USP34: variants seen among roughly 807,000 people sequenced by gnomAD.
USP34 encodes the protein ubiquitin carboxyl-terminal hydrolase 34.
Under a neutral mutation model 460.3 loss-of-function variants are expected in USP34, and 70 were observed. That is an observed-to-expected ratio of 0.15 (90% CI 0.13 to 0.19). The LOEUF is 0.19. Among genes scored for constraint, USP34 ranks in the 10% least tolerant of loss-of-function variants. USP34 has a pLI of 1.00. For synonymous variants in USP34, 1,647 were observed against 1,405.3 expected (o/e 1.17, Z -3.85); for missense variants, 3,985 against 4,236.2 (o/e 0.94, Z 1.65).
rs185087632 is a variant in USP34, at chr2:61,366,094, T to G, written c.1251+4227A>C. ...GCATGCGCCGCCATGCCTGGCTAAT[T>G]TTTGTACTTTTAGTAGAGACAGGGT... On this transcript the variant is annotated intron_variant, in intron 10 of 79. Transcript: ENST00000398571. 3.3e-3 allele frequency among the ~76,000 whole-genome samples: 500 copies of G among 152,326 alleles called. 2 individuals carry two copies. The highest frequency in any genetic ancestry group is 0.011 in the African/African-American group (475 of 41,576).
At position 61,262,416 on chromosome 2, in the gene USP34, A is replaced by G. The variant is rs1426446586; in HGVS notation, c.5779-2640T>C. On this transcript the variant is annotated intron_variant, in intron 43 of 79. Coordinates refer to ENST00000398571, the MANE Select transcript of USP34 (RefSeq NM_014709.4). ...TGTACTCAATATTTAGCTCCCACTT[A>G]TAAGTGAGAACATATGGTATTTGGT... Among the ~76,000 whole-genome samples the G allele has an allele frequency of 3.3e-5, 5 of 152,136 alleles. No individual in the cohort carries two copies. In the East Asian group the frequency reaches 5.8e-4, roughly 18 times the overall value.
intron 32 of USP34, among the ~76,000 whole-genome samples, chr2:61,294,646 C>G (rs537806145): frequency 1.3e-5 from 2 of 152,222 alleles, no homozygotes; most frequent in African/African-American, 4.8e-5. Flanking sequence ...ATCTCAAACT[C>G]CTGACCTCAA....
At chr2:61,263,835 G>A (rs1688969926) in intron 43 of USP34, among the ~76,000 whole-genome samples, 1 of 152,114 alleles carries the variant, frequency 6.6e-6, no homozygotes, top group Non-Finnish European at 1.5e-5. Flanking sequence ...TACTGGCCAA[G>A]CTGCTTTGTC....
chr2:61,207,732 A>C (rs1269832574), intron 70 of USP34: 1 of 152,306 alleles, frequency 6.6e-6, no homozygotes, highest in Non-Finnish European at 1.5e-5. Flanking sequence ...GTTGCATTTT[A>C]AAGAATGAAA....
chr2:61,255,963 G>GTA, intron 48 of USP34, among the ~76,000 whole-genome samples: 1 of 152,180 alleles, frequency 6.6e-6, no homozygotes, highest in East Asian at 1.9e-4. Context: ...GCAAAAAGCA[G>GTA]TATATATAGG....
chr2:61,438,527 G>A (rs1694879466), intron 1 of USP34, among the ~76,000 whole-genome samples: 1 of 152,008 alleles, frequency 6.6e-6, no homozygotes, highest in Non-Finnish European at 1.5e-5. Flanking sequence ...TTGAACCTGG[G>A]AGGCAGAGGT....
At chr2:61,433,348 A>C (rs1186696) in intron 1 of USP34, among the ~76,000 whole-genome samples, 72,519 of 152,080 alleles carry the variant, frequency 0.48, 17,626 homozygotes, top group Middle Eastern at 0.57. Context: ...ACAAGTGGCG[A>C]ATCGGCCAGG....
rs1429409497 is a variant in USP34 at position 61,205,095 on chromosome 2, C to T, written c.9155-494G>A. The stretch of plus-strand genomic sequence containing the variant: ...CTGCTTTTGAATTCCTGGTCTCGAG[C>T]AATCCCCTCCTGCCTAGACCTCCCG... On this transcript the variant is annotated intron_variant, in intron 72 of 79. Coordinates refer to ENST00000398571, the MANE Select transcript of USP34 (RefSeq NM_014709.4). Among the ~76,000 whole-genome samples the T allele has an allele frequency of 7.9e-5, 12 of 152,216 alleles. 1 individual carries two copies. In the East Asian group the frequency reaches 1.2e-3, roughly 15 times the overall value.
At chr2:61,413,595 G>A (rs950829756) in intron 2 of USP34, among the ~76,000 whole-genome samples, 1 of 147,622 alleles carries the variant, frequency 6.8e-6, no homozygotes, top group Non-Finnish European at 1.5e-5. Context: ...GGAAGGCAGA[G>A]GCTGCAGTGA....
At chr2:61,338,956 T>C (rs1691508403) in intron 18 of USP34, among the ~76,000 whole-genome samples, 2 of 152,184 alleles carry the variant, frequency 1.3e-5, no homozygotes, top group African/African-American at 4.8e-5. Context: ...AATACTAATA[T>C]CAAAGTGTTT....
chr2:61,220,549 T>C, intron 66 of USP34, 92 bp from the exon 67 acceptor site: 1 of 1,197,498 alleles, frequency 8.4e-7, no homozygotes, highest in Non-Finnish European at 1.1e-6. Flanking sequence ...GACACAAAGC[T>C]AAAGTACTTT....
intron 27 of USP34, among the ~76,000 whole-genome samples, chr2:61,304,901 T>C (rs1572917212): frequency 6.6e-6 from 1 of 152,262 alleles, no homozygotes; most frequent in South Asian, 2.1e-4. Flanking sequence ...CTAAATAGAA[T>C]TTCTACCTTT....
chr2:61,368,867 A>G (rs1198049424), intron 10 of USP34, among the ~76,000 whole-genome samples: 1 of 152,192 alleles, frequency 6.6e-6, no homozygotes, highest in African/African-American at 2.4e-5. Context: ...ATGAAACTGA[A>G]CAGTAAAAAC....
intron 1 of USP34, among the ~76,000 whole-genome samples, chr2:61,436,958 G>A (rs1008142909): frequency 1.3e-5 from 2 of 152,154 alleles, no homozygotes; most frequent in Admixed American, 6.6e-5. Flanking sequence ...GTCAATGAAG[G>A]TATTAAGATG....
Position 61,221,491 on chromosome 2 carries a change from G to T in USP34, c.7899+11C>A. ...AAAATAAACATTGAAAACACCTGCT[G>T]CAAGACTTACCTCCCATATCCTCTG... On this transcript the variant is annotated intron_variant, in intron 66 of 79. Transcript: ENST00000398571. 1 of 1,606,828 alleles carries T rather than the reference G, an allele frequency of 6.2e-7. No individual in the cohort carries two copies. Among genetic ancestry groups the T allele is most frequent in the Non-Finnish European group, 8.5e-7 (1 of 1,176,614 alleles).
intron 1 of USP34, among the ~76,000 whole-genome samples, chr2:61,432,196 G>C (rs188857824): frequency 1.3e-5 from 2 of 151,088 alleles, no homozygotes; most frequent in Admixed American, 1.3e-4. Context: ...AAAAAAAATG[G>C]AATGTAGTGA....
intron 19 of USP34, among the ~76,000 whole-genome samples, chr2:61,333,314 T>A (rs1371164672): frequency 6.6e-6 from 1 of 152,088 alleles, no homozygotes; most frequent in Non-Finnish European, 1.5e-5. Context: ...TTTTTCAGAT[T>A]CCGTAATATT....
intron 38 of USP34, among the ~76,000 whole-genome samples, chr2:61,280,565 C>G (rs1388330042): frequency 1.3e-5 from 2 of 151,876 alleles, no homozygotes; most frequent in African/African-American, 2.4e-5. Context: ...ATATTAGTCT[C>G]AAATTACTGA....
chr2:61,341,555 AAG>A (rs1159552575), intron 16 of USP34, among the ~76,000 whole-genome samples: 1 of 151,886 alleles, frequency 6.6e-6, no homozygotes, highest in Non-Finnish European at 1.5e-5. Flanking sequence ...GGTTGTTTAG[AAG>A]AGAGTGACAC....
Sources: allele counts gnomAD v4.1 joint callset (sites outside exome capture counted in the v4.1 genomes callset), GRCh38; gene constraint gnomAD v4.1.1; transcripts MANE v1.5; gene names NCBI Gene and HGNC (gene_info 2026-07-23, HGNC 2026-07-21).